Variants in CARMIL1 observed in about 807,000 individuals in gnomAD.
The protein encoded by CARMIL1 is F-actin-uncapping protein LRRC16A.
A neutral mutation model predicts 177.1 loss-of-function variants in CARMIL1; 90 were observed. The ratio of observed to expected loss-of-function variants is 0.51; its 90% CI spans 0.43 to 0.61. CARMIL1 has a LOEUF of 0.61. Ranked by LOEUF, CARMIL1 falls within the 20% of genes least tolerant of loss-of-function variation. CARMIL1 has a pLI of 0.00. For missense variants in CARMIL1, 1,380 were observed against 1,667.0 expected, an observed-to-expected ratio of 0.83 and a Z score of 3.00; for synonymous variants, 577 against 606.2, an observed-to-expected ratio of 0.95 and a Z score of 0.71.
intron 2 of CARMIL1, among the ~76,000 whole-genome samples, chr6:25,303,013 A>G (rs1386589663): frequency 2.0e-5 from 3 of 152,148 alleles, no homozygotes; most frequent in Admixed American, 1.3e-4. Context: ...CCTTTTCTGC[A>G]CGTCATTTTA....
chr6:25,357,269 G>A (rs1443935476), intron 2 of CARMIL1, among the ~76,000 whole-genome samples: 1 of 152,118 alleles, frequency 6.6e-6, no homozygotes, highest in Non-Finnish European at 1.5e-5. Flanking sequence ...TCAGATTCAT[G>A]AATTTATACC....
intron 2 of CARMIL1, among the ~76,000 whole-genome samples, chr6:25,294,345 A>G (rs1040599375): frequency 1.5e-4 from 23 of 152,162 alleles, no homozygotes; most frequent in Non-Finnish European, 4.4e-5. Flanking sequence ...GATTGACTCA[A>G]ACAGACTCTG....
chr6:25,306,645 T>A (rs1041842647), intron 2 of CARMIL1, among the ~76,000 whole-genome samples: 1 of 152,252 alleles, frequency 6.6e-6, no homozygotes, highest in Non-Finnish European at 1.5e-5. Flanking sequence ...TGCTGAATAA[T>A]ATTCTGTTGT....
At chr6:25,523,387 A>G (rs924759226) in intron 23 of CARMIL1, among the ~76,000 whole-genome samples, 3 of 152,196 alleles carry the variant, frequency 2.0e-5, no homozygotes, top group African/African-American at 7.2e-5. Context: ...AAATTAATAC[A>G]TGTAATCCTT....
intron 25 of CARMIL1, among the ~76,000 whole-genome samples, chr6:25,539,625 C>CAAAAAAAA (rs11304932): frequency 5.4e-5 from 3 of 55,738 alleles, no homozygotes; most frequent in East Asian, 6.9e-4. Flanking sequence ...AACTCCATCT[C>CAAAAAAAA]AAAAAAAAAA....
chr6:25,437,422 G>T (rs1332379960), intron 5 of CARMIL1, among the ~76,000 whole-genome samples: 1 of 152,166 alleles, frequency 6.6e-6, no homozygotes, highest in Non-Finnish European at 1.5e-5. Context: ...CATTGAGTAA[G>T]AATAGTATTT....
chr6:25,496,503 G>T (rs1803736144), intron 16 of CARMIL1, among the ~76,000 whole-genome samples: 1 of 146,322 alleles, frequency 6.8e-6, no homozygotes, highest in South Asian at 2.2e-4. Flanking sequence ...AGTAGATCCA[G>T]TCAAGTGCTG....
At chr6:25,311,326 G>A (rs77169911) in intron 2 of CARMIL1, among the ~76,000 whole-genome samples, 3,599 of 152,254 alleles carry the variant, frequency 0.024, 60 homozygotes, top group Non-Finnish European at 0.038. Context: ...AATAGGAGAG[G>A]AGATCACAGC....
At chr6:25,530,654 T>C (rs1807667808) in intron 24 of CARMIL1, among the ~76,000 whole-genome samples, 1 of 152,142 alleles carries the variant, frequency 6.6e-6, no homozygotes, top group African/African-American at 2.4e-5. Context: ...TTTTCAGACA[T>C]GAACTCAGAA....
At chr6:25,560,024 C>G (rs973056388) in intron 29 of CARMIL1, among the ~76,000 whole-genome samples, 2 of 152,166 alleles carry the variant, frequency 1.3e-5, no homozygotes, top group South Asian at 4.2e-4. Context: ...GAGTTGGAAA[C>G]GATAATCCAT....
chr6:25,489,467 A>G (rs991237556), intron 13 of CARMIL1, among the ~76,000 whole-genome samples: 3 of 152,218 alleles, frequency 2.0e-5, no homozygotes, highest in African/African-American at 7.2e-5. Context: ...AACTGAATCA[A>G]TAATGTAATA....
At chr6:25,319,398 G>A (rs999039) in intron 2 of CARMIL1, among the ~76,000 whole-genome samples, 37,407 of 151,772 alleles carry the variant, frequency 0.25, 5,154 homozygotes, top group East Asian at 0.4. Flanking sequence ...GCTGTGTATT[G>A]TAGCATGCAT....
intron 8 of CARMIL1, 41 bp downstream of exon 8, chr6:25,450,752 C>A (rs1185292418): frequency 7.9e-6 from 4 of 508,560 alleles, no homozygotes; most frequent in Non-Finnish European, 6.3e-6. Flanking sequence ...TCCTCCCTCC[C>A]TTCCTCCCTC....
chr6:25,309,529 C>T (rs1783598529), intron 2 of CARMIL1, among the ~76,000 whole-genome samples: 2 of 151,266 alleles, frequency 1.3e-5, no homozygotes, highest in African/African-American at 2.4e-5. Context: ...TAACACTTAT[C>T]CCCAGTCCAC....
chr6:25,514,592 A>G (rs1382800848), intron 20 of CARMIL1, among the ~76,000 whole-genome samples: 1 of 151,574 alleles, frequency 6.6e-6, no homozygotes, highest in Non-Finnish European at 1.5e-5. Flanking sequence ...GACTTAAAAA[A>G]AGAATTGTAG....
intron 29 of CARMIL1, among the ~76,000 whole-genome samples, chr6:25,557,359 G>A (rs545958198): frequency 6.1e-4 from 93 of 152,124 alleles, no homozygotes; most frequent in Middle Eastern, 6.8e-3. Flanking sequence ...CTAACTGTAG[G>A]TCTTAATTTC....
intron 4 of CARMIL1, among the ~76,000 whole-genome samples, chr6:25,430,251 G>A (rs1182594211): frequency 6.8e-6 from 1 of 146,090 alleles, no homozygotes; most frequent in Non-Finnish European, 1.5e-5. Flanking sequence ...ATTTTTGGCT[G>A]GCTTCTCTAT....
In CARMIL1 at chr6:25,515,931, A is replaced by C. The variant is rs1805946219; in HGVS notation, c.1805+84A>C. The C allele has an allele frequency of 7.2e-7, 1 of 1,388,358 alleles. No individual in the cohort carries two copies. Among genetic ancestry groups the C allele is most frequent in the Non-Finnish European group, 9.7e-7 (1 of 1,031,746 alleles). The allele number at this position is 1,388,358 out of a possible 1,614,324, so 86.0% of individuals were successfully genotyped here. ...AAGCATTGCAGAGCTGCTGGGCCCG[A>C]GGGGACCTGGGCTTCCCATGAGGCC... On this transcript the variant is annotated intron_variant, in intron 21 of 36. Transcript: ENST00000329474. The surrounding 1 kb of genome is among the most constrained non-coding windows in gnomAD (Gnocchi z 5.0).
chr6:25,331,046 T>C (rs1236813318), intron 2 of CARMIL1, among the ~76,000 whole-genome samples: 1 of 152,164 alleles, frequency 6.6e-6, no homozygotes, highest in Non-Finnish European at 1.5e-5. Context: ...TGGGAAATCA[T>C]TCTTCAACAA....
Sources: gnomAD v4.1 joint callset for allele counts (sites outside exome capture counted in the v4.1 genomes callset) on GRCh38, gnomAD v4.1.1 for gene constraint, Gnocchi (gnomAD v3.1) non-coding constraint, MANE v1.5 for transcripts, NCBI Gene and HGNC (gene_info 2026-07-23, HGNC 2026-07-21) for gene names.